The following STAU1 variants were observed in gnomAD, a reference collection of about 807,000 sequenced individuals.
The protein encoded by STAU1 is staufen double-stranded RNA binding protein 1, also known as double-stranded RNA-binding protein Staufen homolog 1.
Under a neutral mutation model 62.9 loss-of-function variants are expected in STAU1, and 13 were observed. The observed-to-expected ratio is 0.21, with a 90% CI of 0.13 to 0.33. STAU1 has a LOEUF of 0.33. STAU1 is among the 10% of genes least tolerant of loss of function. STAU1 has a pLI of 1.00. For missense variants in STAU1, 571 were observed against 712.1 expected (o/e 0.80, Z 2.25); for synonymous variants, 269 against 265.1 (o/e 1.01, Z -0.14).
chr20:49,186,602 G>A (rs566297199), intron 1 of STAU1, among the ~76,000 whole-genome samples: 48 of 152,000 alleles, frequency 3.2e-4, no homozygotes, highest in Non-Finnish European at 5.3e-4. Context: ...TTTCCTTAGA[G>A]TACACCTATA....
At position 49,117,881 on chromosome 20, in the gene STAU1, C is replaced by T. The variant is rs61743743; in HGVS notation, c.1405G>A (p.Glu469Lys). 8.6e-5 allele frequency: 139 copies of T among 1,614,130 alleles called. 1 individual carries two copies. The highest frequency in any genetic ancestry group is 8.2e-4 in the Middle Eastern group (5 of 6,062). Residue 469 changes from glutamate (E) to lysine (K), a missense_variant, in exon 11 of 14, where the codon GAG (glutamate) becomes AAG (lysine). Coordinates refer to ENST00000371856, the MANE Select transcript of STAU1 (RefSeq NM_017453.4). The surrounding 1 kb of genome is among the most constrained non-coding windows in gnomAD (Gnocchi z 4.6). The stretch of plus-strand genomic sequence containing the variant: ...GAGATGTTATTCTTTAAAATGGTCT[C>T]GGCTGTGGGCGAGGTGCCCCCATAC... Reference protein sequence around the residue: ...LLYGGTSPTAETILKNNISSG... With the variant: ...LLYGGTSPTAKTILKNNISSG...
chr20:49,202,910 C>T, the STAU1 span, among the ~76,000 whole-genome samples: 2 of 150,358 alleles, frequency 1.3e-5, no homozygotes, highest in African/African-American at 4.9e-5. Flanking sequence ...CAAGGTGGTA[C>T]GCCTGCCTGT....
the STAU1 span, among the ~76,000 whole-genome samples, chr20:49,208,288 G>C: frequency 1.3e-5 from 2 of 152,082 alleles, no homozygotes; most frequent in Non-Finnish European, 2.9e-5. Context: ...TCGATCTCTT[G>C]ACCTCGTGAT....
At chr20:49,174,933 CA>C (rs551431293) in intron 1 of STAU1, among the ~76,000 whole-genome samples, 760 of 59,482 alleles carry the variant, frequency 0.013, 6 homozygotes, top group African/African-American at 0.043. Context: ...GACTCCGTCA[CA>C]AAAAAAAAAA....
At chr20:49,204,144 C>T in the STAU1 span, among the ~76,000 whole-genome samples, 27 of 149,562 alleles carry the variant, frequency 1.8e-4, no homozygotes, top group Admixed American at 4.7e-4. Context: ...TTTTTAGAGT[C>T]TCACTCTGTC....
intron 6 of STAU1, chr20:49,134,868 G>A (rs951298461): frequency 1.3e-6 from 2 of 1,583,450 alleles, no homozygotes; most frequent in East Asian, 2.2e-5. Flanking sequence ...GAAGTGATGA[G>A]AGCCTATTTA....
intron 9 of STAU1, among the ~76,000 whole-genome samples, chr20:49,118,650 A>G (rs2092389876): frequency 1.3e-5 from 2 of 152,204 alleles, no homozygotes; most frequent in African/African-American, 4.8e-5. Flanking sequence ...AAAGTGCACT[A>G]ACCTGTGAAT....
chr20:49,154,854 G>A (rs2093331355), intron 3 of STAU1, among the ~76,000 whole-genome samples: 1 of 151,764 alleles, frequency 6.6e-6, no homozygotes, highest in African/African-American at 2.4e-5. Context: ...GAAGGCCGAG[G>A]CGGGTGGATC....
Position 49,117,963 on chromosome 20 carries a change from C to T in STAU1, c.1323G>A (p.Arg441=), listed in dbSNP as rs753380705. The T allele has an allele frequency of 3.7e-6, 6 of 1,614,152 alleles. No individual in the cohort carries two copies. The East Asian group carries it at 1.3e-4, about 36-fold the overall frequency. Residue 441 remains arginine, a synonymous_variant, in exon 11 of 14, where the codon AGG becomes AGA. Transcript: ENST00000371856. This position sits in a 1 kb window ranked among gnomAD's most constrained non-coding sequence, Gnocchi z 4.6. ...SQGHHTKDFT[R]AAPNPAKATV... The stretch of plus-strand genomic sequence containing the variant: ...TGGCCTTGGCAGGATTCGGAGCTGC[C>T]CTGGTAAAATCTTTGGTGTGATGTC...
chr20:49,169,077 A>G (rs1202913733), intron 2 of STAU1, among the ~76,000 whole-genome samples: 1 of 151,410 alleles, frequency 6.6e-6, no homozygotes, highest in Non-Finnish European at 1.5e-5. Context: ...TAGTCTCCCG[A>G]GTACTTAGGA....
At chr20:49,175,697 C>T (rs891018759) in intron 1 of STAU1, among the ~76,000 whole-genome samples, 3 of 151,258 alleles carry the variant, frequency 2.0e-5, no homozygotes, top group African/African-American at 7.3e-5. Context: ...CCAAGTTGTC[C>T]AGGCTGGTCT....
chr20:49,138,351 G>T (rs2092935353), intron 5 of STAU1, among the ~76,000 whole-genome samples: 1 of 152,088 alleles, frequency 6.6e-6, no homozygotes, highest in Non-Finnish European at 1.5e-5. Context: ...ATAACCAAGG[G>T]TATAATCCTG....
intron 6 of STAU1, among the ~76,000 whole-genome samples, chr20:49,126,818 A>C: frequency 1.3e-5 from 2 of 151,832 alleles, no homozygotes; most frequent in East Asian, 3.9e-4. Flanking sequence ...AAAATCTCTT[A>C]AAAAAATAGT....
intron 7 of STAU1, 23 bp from the exon 8 acceptor site, chr20:49,123,258 A>T: frequency 6.2e-7 from 1 of 1,614,050 alleles, no homozygotes; most frequent in Non-Finnish European, 8.5e-7. Context: ...CAAGGCAGAA[A>T]CTCTGTAATG....
chr20:49,190,577 C>T (rs1214694354), upstream of STAU1, among the ~76,000 whole-genome samples: 1 of 152,108 alleles, frequency 6.6e-6, no homozygotes, highest in Non-Finnish European at 1.5e-5. Context: ...TTCCAAAGTA[C>T]TGGGGGGATT....
chr20:49,146,596 G>A (rs1158040181), intron 5 of STAU1, among the ~76,000 whole-genome samples: 1 of 151,834 alleles, frequency 6.6e-6, no homozygotes, highest in Non-Finnish European at 1.5e-5. Context: ...CAGCTACTTA[G>A]GAGGCTGAGA....
At chr20:49,134,379 C>CGA (rs2092822106) in intron 6 of STAU1, 1 of 473,666 alleles carries the variant, frequency 2.1e-6, no homozygotes, top group African/African-American at 2.1e-5. Context: ...TGCAGTGAGC[C>CGA]GAGAACACAC....
chr20:49,151,501 G>A, intron 5 of STAU1, 81 bp downstream of exon 5: 1 of 1,358,970 alleles, frequency 7.4e-7, no homozygotes, highest in Non-Finnish European at 9.6e-7. Context: ...TGCCTTCTTA[G>A]AAAAGATAAT....
chr20:49,192,272 G>T (rs1339762506), upstream of STAU1, among the ~76,000 whole-genome samples: 2 of 151,062 alleles, frequency 1.3e-5, no homozygotes, highest in African/African-American at 4.9e-5. Context: ...CGTGAACCCA[G>T]GAGGCAGAGC....
Sources: gnomAD v4.1 joint callset for allele counts (sites outside exome capture counted in the v4.1 genomes callset) on GRCh38, gnomAD v4.1.1 for gene constraint, Gnocchi (gnomAD v3.1) non-coding constraint, MANE v1.5 for transcripts, NCBI Gene and HGNC (gene_info 2026-07-23, HGNC 2026-07-21) for gene names.